The following WT1 variants were observed in gnomAD, a reference collection of about 807,000 sequenced individuals.
The protein encoded by WT1 is WT1 transcription factor.
A neutral mutation model predicts 60.8 loss-of-function variants in WT1; 8 were observed. That is an observed-to-expected ratio of 0.13 (90% confidence interval 0.08 to 0.24). WT1 has a LOEUF of 0.24. WT1 is among the 10% of genes least tolerant of loss of function. The probability of loss-of-function intolerance (pLI) is 1.00; values close to 1 mark genes in which losing one functional copy is unlikely to be tolerated. For synonymous variants in WT1, 312 were observed against 297.1 expected, an observed-to-expected ratio of 1.05 and a Z score of -0.52; for missense variants, 568 against 711.8, an observed-to-expected ratio of 0.80 and a Z score of 2.30.
intron 7 of WT1, among the ~76,000 whole-genome samples, chr11:32,394,148 C>A (rs1205392987): frequency 6.6e-5 from 10 of 152,192 alleles, no homozygotes; most frequent in African/African-American, 2.2e-4. Flanking sequence ...CCGCCTACGC[C>A]TCCCAACATA....
At chr11:32,419,012 C>T (rs1448104562) in intron 3 of WT1, among the ~76,000 whole-genome samples, 1 of 152,144 alleles carries the variant, frequency 6.6e-6, no homozygotes, top group East Asian at 1.9e-4. Context: ...CACTCATCCC[C>T]GTGTCTGACT....
At chr11:32,403,572 C>CT (rs398055138) in intron 5 of WT1, among the ~76,000 whole-genome samples, 2,001 of 128,738 alleles carry the variant, frequency 0.016, 45 homozygotes, top group Non-Finnish European at 0.021. Context: ...ATGAATATTA[C>CT]TTTTTTTTTT....
At chr11:32,393,484 C>T (rs937315267) in intron 7 of WT1, among the ~76,000 whole-genome samples, 2 of 152,256 alleles carry the variant, frequency 1.3e-5, no homozygotes, top group Non-Finnish European at 2.9e-5. Context: ...CAGGCCTTCC[C>T]ACCTTCTTAG....
rs5030143 is a variant in WT1 at position 32,434,015 on chromosome 11, C to A, written c.661+685G>T. Among the ~76,000 whole-genome samples, 1,317 of 152,372 alleles carry A rather than the reference C, an allele frequency of 8.6e-3. 22 individuals carry two copies. The highest frequency in any genetic ancestry group is 0.03 in the African/African-American group (1,229 of 41,592). ...GTCAAGTTCTCTTCCATCCCCAGAA[C>A]CTGCGTGGCCGCCGCCTGAGCGAAG... On this transcript the variant is annotated intron_variant, in intron 1 of 9. Transcript: ENST00000452863.
intron 7 of WT1, 46 bp from the exon 8 acceptor site, chr11:32,392,801 G>C (rs1039587332): frequency 1.3e-5 from 21 of 1,588,202 alleles, no homozygotes; most frequent in Non-Finnish European, 1.8e-5. Context: ...CTGGAAAAGG[G>C]GATCTCATTA....
intron 5 of WT1, among the ~76,000 whole-genome samples, chr11:32,404,971 T>C (rs1852265055): frequency 6.6e-6 from 1 of 152,214 alleles, no homozygotes; most frequent in South Asian, 2.1e-4. Flanking sequence ...TCTCAACTCT[T>C]CGGTCACCTC....
intron 3 of WT1, among the ~76,000 whole-genome samples, chr11:32,419,215 C>A (rs1852776905): frequency 6.6e-6 from 1 of 152,190 alleles, no homozygotes; most frequent in South Asian, 2.1e-4. Flanking sequence ...TGCCAGCCTG[C>A]AGCATTTACC....
chr11:32,393,503 T>C (rs1851877907), intron 7 of WT1, among the ~76,000 whole-genome samples: 1 of 152,244 alleles, frequency 6.6e-6, no homozygotes, highest in African/African-American at 2.4e-5. Context: ...AGGAGAATCC[T>C]GAGTCACAGG....
chr11:32,435,022 A>C lies in WT1; in HGVS notation c.339T>G (p.Phe113Leu). Reference sequence around the variant, plus strand: ...CGTAAGCCGAAGCGCCCGGGGGCGCAAAGTCCAGCACCGGCGCCCACTGCG... The same window carrying C: ...CGTAAGCCGAAGCGCCCGGGGGCGCCAAGTCCAGCACCGGCGCCCACTGCG... The change falls in exon 1 of 10, where the codon TTT (phenylalanine) becomes TTG (leucine). Residue 113 changes from phenylalanine to leucine, a missense_variant. Phe to Leu is a conservative substitution (Grantham distance 22, BLOSUM62 0). Coordinates refer to ENST00000452863, the MANE Select transcript of WT1 (RefSeq NM_024426.6). The C allele has an allele frequency of 1.3e-6, 2 of 1,484,438 alleles. No individual in the cohort carries two copies. Among genetic ancestry groups the C allele is most frequent in the Non-Finnish European group, 1.8e-6 (2 of 1,128,338 alleles). The allele number at this position is 1,484,438 out of a possible 1,614,324, so 92.0% of individuals were successfully genotyped here.
chr11:32,429,958 A>G (rs1036456677), intron 1 of WT1, among the ~76,000 whole-genome samples: 2 of 142,052 alleles, frequency 1.4e-5, no homozygotes, highest in Non-Finnish European at 3.0e-5. Flanking sequence ...TCATGCACAC[A>G]CACCACCACC....
At chr11:32,401,654 C>T (rs5030247) in intron 5 of WT1, among the ~76,000 whole-genome samples, 6,907 of 152,172 alleles carry the variant, frequency 0.045, 211 homozygotes, top group Non-Finnish European at 0.073. Context: ...ATTCTCCTGC[C>T]TCAGCCTCCG....
chr11:32,390,121 C>T (rs1318173891), intron 9 of WT1, among the ~76,000 whole-genome samples: 2 of 152,200 alleles, frequency 1.3e-5, no homozygotes, highest in Admixed American at 6.5e-5. Flanking sequence ...CCCTGTATCA[C>T]ACCTCCCAGG....
rs542898204 is a variant in WT1, at chr11:32,435,413, C to CTGGG, written c.-57_-54dup. The CTGGG allele has an allele frequency of 7.5e-5, 9 of 120,106 alleles. No individual in the cohort carries two copies. The African/African-American group carries it at 9.3e-4, about 12-fold the overall frequency. 7.4% of individuals were successfully genotyped at this position (120,106 alleles called of 1,614,324 possible). A position where few individuals can be genotyped will look rare whatever the true frequency, so the allele number is the denominator to read the frequency against. ...GGGCGCCTGGGCTGCCGTCCCGGCTCTGGGTGGGTGGGTGGGTGAATGAGT... is the reference window on the plus strand; with the variant it reads ...GGGCGCCTGGGCTGCCGTCCCGGCTCTGGGTGGGTGGGTGGGTGGGTGAATGAGT... On this transcript the variant is annotated 5_prime_UTR_variant, in exon 1 of 10. Coordinates refer to ENST00000452863, the MANE Select transcript of WT1 (RefSeq NM_024426.6).
intron 3 of WT1, among the ~76,000 whole-genome samples, chr11:32,425,999 A>G (rs527501131): frequency 6.6e-6 from 1 of 152,298 alleles, no homozygotes; most frequent in East Asian, 1.9e-4. Flanking sequence ...CTATTAAACC[A>G]GTGGTAATGA....
At chr11:32,404,904 G>C (rs564209402) in intron 5 of WT1, among the ~76,000 whole-genome samples, 2 of 152,256 alleles carry the variant, frequency 1.3e-5, no homozygotes, top group East Asian at 3.9e-4. Context: ...TGCTAACTCT[G>C]TGGTTTCCAG....
At chr11:32,392,865 C>T (rs1197589860) in intron 7 of WT1, 110 bp from the exon 8 acceptor site, 22 of 925,802 alleles carry the variant, frequency 2.4e-5, no homozygotes, top group East Asian at 1.9e-4. Context: ...TAAGGCACTT[C>T]GCTGGAGCTT....
chr11:32,430,881 C>T (rs1853283163), intron 1 of WT1: 1 of 1,182,038 alleles, frequency 8.5e-7, no homozygotes, highest in East Asian at 3.6e-5. Flanking sequence ...TTAGAGCGCG[C>T]TGTCCCTGGG....
chr11:32,427,189 C>G (rs529928993), intron 3 of WT1, among the ~76,000 whole-genome samples: 19 of 152,342 alleles, frequency 1.2e-4, no homozygotes, highest in African/African-American at 4.6e-4. Context: ...TGGTGTGCGC[C>G]GCAGTTACTA....
chr11:32,416,542 T>C lies in WT1; in HGVS notation c.966-2A>G. The C allele has an allele frequency of 6.2e-7, 1 of 1,614,138 alleles. No individual in the cohort carries two copies. ...GAGCTGGAGCTCCCAGCAGCAACTCTAGAAAAGAAGAAGAGGTGGGGAGTG... is the reference window on the plus strand; with the variant it reads ...GAGCTGGAGCTCCCAGCAGCAACTCCAGAAAAGAAGAAGAGGTGGGGAGTG... On this transcript the variant is annotated splice_acceptor_variant, in intron 4 of 9. Transcript: ENST00000452863. LOFTEE classifies it high-confidence loss of function.
Sources: allele counts gnomAD v4.1 joint callset (sites outside exome capture counted in the v4.1 genomes callset), GRCh38; gene constraint gnomAD v4.1.1; transcripts MANE v1.5; gene names NCBI Gene and HGNC (gene_info 2026-07-23, HGNC 2026-07-21).